Variants in CDH4 observed in about 807,000 individuals in gnomAD.
The protein encoded by CDH4 is cadherin-4.
A neutral mutation model predicts 86.0 loss-of-function variants in CDH4; 33 were observed. The observed-to-expected ratio is 0.38, with a 90% CI of 0.29 to 0.51. The LOEUF (loss-of-function observed/expected upper bound fraction) is 0.51, where lower values mean the gene tolerates loss of function less well. Among genes scored for constraint, CDH4 ranks in the 20% least tolerant of loss-of-function variants. The pLI, the probability that CDH4 is intolerant of heterozygous loss-of-function variation, is 0.86. For missense variants in CDH4, 1,114 were observed against 1,307.4 expected, an observed-to-expected ratio of 0.85 and a Z score of 2.28; for synonymous variants, 555 against 549.4, an observed-to-expected ratio of 1.01 and a Z score of -0.14.
chr20:61,357,485 C>T (rs1439406385), intron 2 of CDH4, among the ~76,000 whole-genome samples: 1 of 152,198 alleles, frequency 6.6e-6, no homozygotes, highest in African/African-American at 2.4e-5. Context: ...TGAGGTCTCA[C>T]GTGAGCTCTT....
chr20:61,452,795 C>T (rs2085387870), intron 2 of CDH4, among the ~76,000 whole-genome samples: 1 of 152,106 alleles, frequency 6.6e-6, no homozygotes, highest in Non-Finnish European at 1.5e-5. Flanking sequence ...GAGAAAGTGG[C>T]CCCTGGCAGG....
At chr20:61,348,713 G>A (rs1380746545) in intron 2 of CDH4, among the ~76,000 whole-genome samples, 1 of 152,190 alleles carries the variant, frequency 6.6e-6, no homozygotes, top group Non-Finnish European at 1.5e-5. Flanking sequence ...TGGACGAGTG[G>A]GCAGAAGTGA....
At chr20:61,872,730 G>T (rs1201291567) in intron 6 of CDH4, among the ~76,000 whole-genome samples, 2 of 152,262 alleles carry the variant, frequency 1.3e-5, no homozygotes, top group African/African-American at 4.8e-5. Flanking sequence ...CCGGAAGGTG[G>T]CGGGCAGAGT....
At chr20:61,605,835 T>C (rs1229608281) in intron 2 of CDH4, among the ~76,000 whole-genome samples, 1 of 151,268 alleles carries the variant, frequency 6.6e-6, no homozygotes, top group Non-Finnish European at 1.5e-5. Context: ...ATCTGGATCC[T>C]TGTACAGAGA....
chr20:61,394,914 C>T (rs966361306), intron 2 of CDH4, among the ~76,000 whole-genome samples: 1 of 141,050 alleles, frequency 7.1e-6, no homozygotes, highest in Non-Finnish European at 1.5e-5. Context: ...CCACCCCGCC[C>T]AGCAGTGATT....
chr20:61,903,480 G>A (rs2054751385), intron 8 of CDH4, among the ~76,000 whole-genome samples: 1 of 138,018 alleles, frequency 7.2e-6, no homozygotes, highest in Non-Finnish European at 1.5e-5. Flanking sequence ...AGGAAGTGGA[G>A]GTTGCAGTGA....
intron 14 of CDH4, 65 bp downstream of exon 14, chr20:61,933,189 G>T: frequency 1.3e-6 from 2 of 1,569,266 alleles, no homozygotes; most frequent in Non-Finnish European, 1.7e-6. Flanking sequence ...TAGTGTCTCA[G>T]CAGGGATTGC....
chr20:61,435,583 G>A (rs1163802709), intron 2 of CDH4: 1 of 152,454 alleles, frequency 6.6e-6, no homozygotes, highest in African/African-American at 2.4e-5. Context: ...CGAGGAGGAA[G>A]TAGGAGAATC....
Position 61,658,875 on chromosome 20 carries a change from G to A in CDH4, c.170-84688G>A, listed in dbSNP as rs140957454. On this transcript the variant is annotated intron_variant, in intron 2 of 15. Transcript: ENST00000614565. ...GTCCTAGTGAACCCAGGGAGGACCA[G>A]GGTAGGGGGGAGTGACATGCGGAGA... Among the ~76,000 whole-genome samples the A allele has an allele frequency of 2.6e-5, 4 of 152,306 alleles. No individual in the cohort carries two copies. The East Asian group carries it at 5.8e-4, about 22-fold the overall frequency.
intron 2 of CDH4, among the ~76,000 whole-genome samples, chr20:61,334,451 C>A (rs2084605880): frequency 2.0e-5 from 3 of 152,138 alleles, no homozygotes; most frequent in Admixed American, 1.3e-4. Flanking sequence ...CCGCCTGAGA[C>A]CGGCTAATGG....
At position 61,663,155 on chromosome 20, in the gene CDH4, A is replaced by C. The variant is rs995887058; in HGVS notation, c.170-80408A>C. Among the ~76,000 whole-genome samples the C allele has an allele frequency of 4.4e-4, 67 of 152,352 alleles. No homozygotes were observed. The highest frequency in any genetic ancestry group is 1.6e-3 in the African/African-American group (66 of 41,584). On this transcript the variant is annotated intron_variant, in intron 2 of 15. Transcript: ENST00000614565. The surrounding 1 kb of genome is among the most constrained non-coding windows in gnomAD (Gnocchi z 5.0). ...CTGGAGGAGAAATGGAAATGAGGCT[A>C]CTGGGCCTGCAGCTCCATGAGTGTC...
intron 2 of CDH4, among the ~76,000 whole-genome samples, chr20:61,300,347 G>C (rs34176488): frequency 1.2e-3 from 176 of 152,290 alleles, no homozygotes; most frequent in African/African-American, 4.2e-3. Context: ...GGAACAGTGC[G>C]TGTGGAGGCT....
chr20:61,875,249 G>A (rs1983968092), intron 7 of CDH4, among the ~76,000 whole-genome samples: 1 of 152,194 alleles, frequency 6.6e-6, no homozygotes, highest in Middle Eastern at 3.2e-3. Context: ...TCTGTCCCTG[G>A]GAAGAGCACA....
intron 2 of CDH4, chr20:61,435,846 C>T (rs1354064716): frequency 2.0e-5 from 3 of 152,156 alleles, no homozygotes; most frequent in African/African-American, 7.2e-5. Flanking sequence ...CACCAGCTGC[C>T]TCATGTGGGT....
chr20:61,841,925 A>C (rs940682653), intron 4 of CDH4, among the ~76,000 whole-genome samples: 39 of 152,152 alleles, frequency 2.6e-4, no homozygotes, highest in Admixed American at 5.2e-4. Context: ...CTATTACGAC[A>C]TGAGACAGCC....
chr20:61,307,819 A>C (rs1398614069), intron 2 of CDH4, among the ~76,000 whole-genome samples: 1 of 152,174 alleles, frequency 6.6e-6, no homozygotes, highest in Non-Finnish European at 1.5e-5. Context: ...GGAAGGTGTA[A>C]GGGATGTGGA....
chr20:61,409,322 T>G (rs2085102263), intron 2 of CDH4, among the ~76,000 whole-genome samples: 1 of 152,212 alleles, frequency 6.6e-6, no homozygotes, highest in Non-Finnish European at 1.5e-5. Context: ...TTAAATAACT[T>G]CAGACTCAGC....
intron 2 of CDH4, among the ~76,000 whole-genome samples, chr20:61,331,572 T>TC (rs2084572891): frequency 1.2e-4 from 1 of 8,652 alleles, no homozygotes; most frequent in African/African-American, 7.5e-4. Context: ...ACCTCCTGCC[T>TC]GACCACCTGC....
At chr20:61,746,570 C>A (rs546640260) in intron 3 of CDH4, among the ~76,000 whole-genome samples, 2 of 152,204 alleles carry the variant, frequency 1.3e-5, no homozygotes, top group African/African-American at 4.8e-5. Context: ...TGGCAGAGCC[C>A]GGCATGGCGC....
Sources: allele counts gnomAD v4.1 joint callset (sites outside exome capture counted in the v4.1 genomes callset), GRCh38; gene constraint gnomAD v4.1.1; non-coding constraint Gnocchi (gnomAD v3.1); transcripts MANE v1.5; gene names NCBI Gene and HGNC (gene_info 2026-07-23, HGNC 2026-07-21).